The following BAHD1 variants were observed in gnomAD, a reference collection of about 807,000 sequenced individuals.
BAHD1 encodes bromo adjacent homology domain containing 1.
BAHD1 carries 20 observed loss-of-function variants against 63.1 expected under a neutral mutation model. That is an observed-to-expected ratio of 0.32 (90% CI 0.22 to 0.46). The LOEUF (loss-of-function observed/expected upper bound fraction) is 0.46. Among genes scored for constraint, BAHD1 ranks in the 20% least tolerant of loss-of-function variants. The pLI is 1.00. For missense variants in BAHD1, 939 were observed against 1,071.8 expected, an observed-to-expected ratio of 0.88 and a Z score of 1.73; for synonymous variants, 408 against 426.8, an observed-to-expected ratio of 0.96 and a Z score of 0.54.
intron 6 of BAHD1, 127 bp downstream of exon 6, chr15:40,465,562 A>G (rs1290257281): frequency 1.3e-6 from 1 of 753,636 alleles, no homozygotes; most frequent in East Asian, 2.7e-5. Flanking sequence ...ACTGAGCCTA[A>G]TCTCCCAGAA....
intron 1 of BAHD1, among the ~76,000 whole-genome samples, chr15:40,442,355 C>G (rs1237169888): frequency 1.3e-5 from 2 of 151,828 alleles, no homozygotes; most frequent in East Asian, 1.9e-4. Flanking sequence ...CCGCTCTAGC[C>G]GCTCGCTGTT....
In BAHD1 at chr15:40,467,944, C is replaced by T. The variant is rs1211557945; in HGVS notation, c.*1814C>T. ...AGGCCCTCCTCCCAGGAGGTAGGGT[C>T]TTGGCTGCCCCGAACTTAAATGCTT... On this transcript the variant is annotated 3_prime_UTR_variant, in exon 7 of 7. Transcript: ENST00000416165. 1 of 152,626 alleles carries T rather than the reference C, an allele frequency of 6.6e-6. No homozygotes were observed. Among genetic ancestry groups the T allele is most frequent in the Non-Finnish European group, 1.5e-5 (1 of 68,038 alleles). 9.5% of individuals were successfully genotyped at this position (152,626 alleles called of 1,614,324 possible).
chr15:40,455,294 C>A (rs1039601564), intron 1 of BAHD1, among the ~76,000 whole-genome samples: 3 of 152,116 alleles, frequency 2.0e-5, no homozygotes, highest in Admixed American at 6.5e-5. Context: ...CAGCACCCTA[C>A]CCCCCAGGGG....
At chr15:40,451,533 A>G (rs1486435290) in intron 1 of BAHD1, among the ~76,000 whole-genome samples, 1 of 152,216 alleles carries the variant, frequency 6.6e-6, no homozygotes, top group East Asian at 1.9e-4. Context: ...TATTCCAGGA[A>G]CTCTGCTAGG....
At chr15:40,443,884 C>T (rs1332768549) in intron 1 of BAHD1, among the ~76,000 whole-genome samples, 2 of 152,158 alleles carry the variant, frequency 1.3e-5, no homozygotes, top group African/African-American at 2.4e-5. Context: ...CTAGCCATAC[C>T]ATGCACATTT....
chr15:40,455,750 T>C (rs1338746036), intron 1 of BAHD1, among the ~76,000 whole-genome samples: 1 of 152,194 alleles, frequency 6.6e-6, no homozygotes, highest in Non-Finnish European at 1.5e-5. Flanking sequence ...CTCTGGTAAC[T>C]TGGGGCCTGT....
chr15:40,459,254 G>C lies in BAHD1; in HGVS notation c.790G>C (p.Ala264Pro). Residue 264 changes from alanine (A) to proline (P), a missense_variant, in exon 2 of 7, where the codon GCC becomes CCC. Transcript: ENST00000416165. ...GKNYPKAWQG[A>P]SSGEAAGPPG... ...GAACTATCCCAAGGCTTGGCAGGGG[G>C]CCAGCTCTGGGGAGGCTGCAGGCCC... 6.2e-7 allele frequency: 1 copy of C among 1,612,482 alleles called. No individual in the cohort carries two copies. Among genetic ancestry groups the C allele is most frequent in the Non-Finnish European group, 8.5e-7 (1 of 1,179,688 alleles).
chr15:40,447,776 C>G (rs180750487), intron 1 of BAHD1, among the ~76,000 whole-genome samples: 3 of 152,178 alleles, frequency 2.0e-5, no homozygotes, highest in African/African-American at 7.2e-5. Flanking sequence ...TCATTGCAGT[C>G]TGGGCTGGAG....
In BAHD1 at chr15:40,458,428, AT is replaced by A; in HGVS notation, c.-14-21del. ...GAGCAGGCCAGAGAGGGCTTCTCTC[AT>A]TGCCCACCTTCTGTCCTGCAGGTTG... On this transcript the variant is annotated intron_variant, in intron 1 of 6. Coordinates refer to ENST00000416165, the MANE Select transcript of BAHD1 (RefSeq NM_014952.5). This position sits in a 1 kb window ranked among gnomAD's most constrained non-coding sequence, Gnocchi z 4.7. 6.5e-6 allele frequency: 10 copies of A among 1,529,668 alleles called. No homozygotes were observed. Among genetic ancestry groups the A allele is most frequent in the Non-Finnish European group, 8.8e-6 (10 of 1,136,904 alleles). 94.8% of individuals were successfully genotyped at this position (1,529,668 alleles called of 1,614,324 possible). A position where few individuals can be genotyped will look rare whatever the true frequency, so the allele number is the denominator to read the frequency against.
At chr15:40,463,825 C>T (rs776813467) in intron 3 of BAHD1, 36 bp from the exon 4 acceptor site, 7 of 1,611,562 alleles carry the variant, frequency 4.3e-6, no homozygotes, top group African/African-American at 4.0e-5. Context: ...GAGTGTGGCT[C>T]TGCAAGCCTA....
In BAHD1 at chr15:40,461,985, A is replaced by G. The variant is rs1182838359; in HGVS notation, c.1506A>G (p.Pro502=). The change falls in exon 3 of 7, where the codon CCA becomes CCG. Residue 502 remains proline (P), a synonymous_variant. Coordinates refer to ENST00000416165, the MANE Select transcript of BAHD1 (RefSeq NM_014952.5). ...EAGHPASPAH[P]LLGCPVPSVP... The stretch of plus-strand genomic sequence containing the variant: ...GCCACCCAGCCTCACCCGCCCACCC[A>G]CTCCTGGGGTGCCCTGTACCCAGTG... 2 of 1,599,894 alleles carry G rather than the reference A, an allele frequency of 1.3e-6. No homozygotes were observed. The highest frequency in any genetic ancestry group is 4.5e-5 in the East Asian group (2 of 44,228).
At chr15:40,448,508 G>T (rs953042302) in intron 1 of BAHD1, among the ~76,000 whole-genome samples, 2 of 152,182 alleles carry the variant, frequency 1.3e-5, no homozygotes, top group African/African-American at 4.8e-5. Flanking sequence ...CCTTGGTGTA[G>T]ATGCCAGGAT....
intron 3 of BAHD1, among the ~76,000 whole-genome samples, chr15:40,462,747 CT>C (rs1164843840): frequency 3.3e-5 from 5 of 152,236 alleles, no homozygotes; most frequent in African/African-American, 1.2e-4. Flanking sequence ...AATCCCAGTA[CT>C]TTAGGTGGTG....
intron 1 of BAHD1, among the ~76,000 whole-genome samples, chr15:40,455,388 G>A (rs1323100555): frequency 6.6e-6 from 1 of 152,182 alleles, no homozygotes; most frequent in South Asian, 2.1e-4. Context: ...ATTCTCAAAG[G>A]TTCTGGGCTC....
At chr15:40,465,117 G>T (rs950761792) in intron 5 of BAHD1, 1 of 577,260 alleles carries the variant, frequency 1.7e-6, no homozygotes, top group Non-Finnish European at 3.1e-6. Flanking sequence ...AGGGGCTAGA[G>T]CAGATACCTG....
chr15:40,465,997 T>C lies in BAHD1; in HGVS notation c.2210T>C (p.Leu737Pro). The change falls in exon 7 of 7, where the codon CTG (leucine) becomes CCG (proline). Residue 737 changes from leucine to proline, a missense_variant. Leu to Pro is a moderately conservative substitution (Grantham distance 98, BLOSUM62 -3). This residue lies in a region of BAHD1 where 68 missense variants were observed against 86.2 expected (regional missense o/e 0.79). Coordinates refer to ENST00000416165, the MANE Select transcript of BAHD1 (RefSeq NM_014952.5). ...GEGLPSRKTALVPPSADYSTP... is the reference protein window; with the variant it reads ...GEGLPSRKTAPVPPSADYSTP... ...GGCCTCCCCAGCCGAAAGACAGCAC[T>C]GGTTCCCCCCTCTGCAGACTATTCC... 6.2e-7 allele frequency: 1 copy of C among 1,611,746 alleles called. No individual in the cohort carries two copies. The highest frequency in any genetic ancestry group is 1.1e-5 in the South Asian group (1 of 90,820).
chr15:40,442,123 CCT>C (rs1566957226), intron 1 of BAHD1, among the ~76,000 whole-genome samples: 1 of 152,192 alleles, frequency 6.6e-6, no homozygotes, highest in South Asian at 2.1e-4. Context: ...CGCTCCGCCG[CCT>C]CTCTTCTGGG....
At chr15:40,451,145 CAAAAAAAAAAA>C (rs397827665) in intron 1 of BAHD1, among the ~76,000 whole-genome samples, 12 of 30,626 alleles carry the variant, frequency 3.9e-4, no homozygotes, top group African/African-American at 3.1e-4. Context: ...AACTCCATCT[CAAAAAAAAAAA>C]AAAAAAAAAA....
chr15:40,438,724 CCTG>C (rs1893326328), upstream of BAHD1, among the ~76,000 whole-genome samples: 1 of 152,218 alleles, frequency 6.6e-6, no homozygotes, highest in Non-Finnish European at 1.5e-5. Flanking sequence ...GCCACCTCGT[CCTG>C]CTGCCATTTC....
Sources: gnomAD v4.1 joint callset for allele counts (sites outside exome capture counted in the v4.1 genomes callset) on GRCh38, gnomAD v4.1.1 for gene constraint, gnomAD v4.1.1 regional missense constraint, Gnocchi (gnomAD v3.1) non-coding constraint, MANE v1.5 for transcripts, NCBI Gene and HGNC (gene_info 2026-07-23, HGNC 2026-07-21) for gene names.